Variants in SLC66A3 observed in about 807,000 individuals in gnomAD.
The protein encoded by SLC66A3 is PQ loop repeat containing 3.
In SLC66A3, 23 loss-of-function variants were observed where a neutral mutation model predicts 25.5. The observed-to-expected ratio is 0.90, with a 90% CI of 0.65 to 1.28. The LOEUF is 1.28. Among genes scored for constraint, SLC66A3 ranks in the 50% most tolerant of loss-of-function variants. The probability of loss-of-function intolerance (pLI) is 0.00; values close to 1 mark genes in which losing one functional copy is unlikely to be tolerated. For missense variants in SLC66A3, 246 were observed against 262.1 expected (o/e 0.94, Z 0.42); for synonymous variants, 108 against 112.6 (o/e 0.96, Z 0.26).
At chr2:11,171,768 C>T (rs962490597) in intron 4 of SLC66A3, among the ~76,000 whole-genome samples, 157 bp from the exon 5 acceptor site, 15 of 152,096 alleles carry the variant, frequency 9.9e-5, no homozygotes, top group African/African-American at 3.6e-4. Context: ...CGGTGTTTCA[C>T]CGTGCTAGCC....
intron 3 of SLC66A3, among the ~76,000 whole-genome samples, chr2:11,162,896 G>A (rs1007821100): frequency 5.3e-5 from 8 of 152,180 alleles, no homozygotes; most frequent in African/African-American, 1.9e-4. Flanking sequence ...GTGAGCCACC[G>A]TGCCCGGCCT....
intron 3 of SLC66A3, among the ~76,000 whole-genome samples, chr2:11,163,529 C>G (rs185985646): frequency 6.6e-6 from 1 of 152,182 alleles, no homozygotes; most frequent in Non-Finnish European, 1.5e-5. Context: ...TCTCTTGAGT[C>G]GGTGCTACGT....
chr2:11,177,451 T>A (rs1357188796), intron 6 of SLC66A3, among the ~76,000 whole-genome samples: 1 of 147,582 alleles, frequency 6.8e-6, no homozygotes, highest in African/African-American at 2.5e-5. Flanking sequence ...AGGGCAAGAC[T>A]GTCTCAAAAA....
rs1327016217 is a variant in SLC66A3, at chr2:11,160,500, G to T, written c.178G>T (p.Gly60Trp). ...GTTTCTGCGGTACCAGTGTTACTAT[G>T]GGTATCCGCCGCTGACCTACCTGGA... ...LVFLRYQCYY[G>W]YPPLTYLEYP... Residue 60 changes from glycine to tryptophan, a missense_variant, in exon 2 of 7, where the codon GGG becomes TGG. This residue lies in a region of SLC66A3 where 142 missense variants were observed against 130.3 expected (regional missense o/e 1.09). Coordinates refer to ENST00000295083, the MANE Select transcript of SLC66A3 (RefSeq NM_152391.5). 6.2e-7 allele frequency: 1 copy of T among 1,614,074 alleles called. No homozygotes were observed. The highest frequency in any genetic ancestry group is 8.5e-7 in the Non-Finnish European group (1 of 1,180,008).
intron 1 of SLC66A3, 37 bp downstream of exon 1, chr2:11,155,726 C>G (rs750242371): frequency 1.4e-5 from 18 of 1,330,844 alleles, no homozygotes; most frequent in Non-Finnish European, 1.7e-5. Context: ...CTCCTGCCCC[C>G]TCGCAGCTGC....
chr2:11,157,533 CT>C (rs1162252453), intron 1 of SLC66A3, among the ~76,000 whole-genome samples: 4 of 132,638 alleles, frequency 3.0e-5, no homozygotes, highest in Non-Finnish European at 5.0e-5. Context: ...GCTGGCCATG[CT>C]TGCCAGCTGG....
chr2:11,168,210 G>A (rs1302925426), intron 4 of SLC66A3, among the ~76,000 whole-genome samples: 7 of 151,850 alleles, frequency 4.6e-5, no homozygotes, highest in Admixed American at 6.6e-5. Flanking sequence ...GCGTGAACCC[G>A]GGAGGCAGAG....
At chr2:11,172,129 A>C in intron 5 of SLC66A3, 84 bp downstream of exon 5, 2 of 1,371,944 alleles carry the variant, frequency 1.5e-6, no homozygotes, top group Admixed American at 2.0e-5. Flanking sequence ...TGTTGAAGTA[A>C]CATGGTCCCT....
chr2:11,160,329 C>T (rs1278827496), intron 1 of SLC66A3, 137 bp from the exon 2 acceptor site: 1 of 732,722 alleles, frequency 1.4e-6, no homozygotes, highest in East Asian at 2.5e-5. Context: ...TTGTTCTAAA[C>T]CTTCCTCTTT....
chr2:11,166,760 T>G (rs1662358935), intron 4 of SLC66A3, among the ~76,000 whole-genome samples: 1 of 152,100 alleles, frequency 6.6e-6, no homozygotes, highest in Non-Finnish European at 1.5e-5. Context: ...CCATGCATGG[T>G]GGCGGGCACC....
rs554910408 is a variant in SLC66A3 at position 11,160,753 on chromosome 2, G to C, written c.296+59G>C. 23 of 1,611,440 alleles carry C rather than the reference G, an allele frequency of 1.4e-5. No homozygotes were observed. In the African/African-American group the frequency reaches 2.7e-4, roughly 19 times the overall value. On this transcript the variant is annotated intron_variant, in intron 3 of 6. Coordinates refer to ENST00000295083, the MANE Select transcript of SLC66A3 (RefSeq NM_152391.5). ...CGGGGATGTTATTTGTGAATGGTATGCATTGTGAAGCAGGCTCCTTTACCA... is the reference window on the plus strand; with the variant it reads ...CGGGGATGTTATTTGTGAATGGTATCCATTGTGAAGCAGGCTCCTTTACCA...
chr2:11,172,786 T>A (rs76146157), intron 5 of SLC66A3: 8,445 of 437,750 alleles, frequency 0.019, 123 homozygotes, highest in East Asian at 0.053. Flanking sequence ...AGTGCAGTGA[T>A]ACGATCTTCA....
chr2:11,159,896 T>C (rs1226112229), intron 1 of SLC66A3, among the ~76,000 whole-genome samples: 1 of 152,136 alleles, frequency 6.6e-6, no homozygotes, highest in Admixed American at 6.5e-5. Context: ...TTGAGGGTGG[T>C]TCTTCACGCT....
chr2:11,172,734 CT>C, intron 5 of SLC66A3: 4 of 431,934 alleles, frequency 9.3e-6, no homozygotes, highest in South Asian at 1.7e-5. Context: ...GACTTTCTTT[CT>C]TTTTTCCTTT....
At chr2:11,173,123 A>G (rs1426137412) in intron 5 of SLC66A3, among the ~76,000 whole-genome samples, 4 of 152,102 alleles carry the variant, frequency 2.6e-5, no homozygotes, top group African/African-American at 9.7e-5. Flanking sequence ...TTGGCCTCCC[A>G]AAGTGCTAGG....
At chr2:11,166,432 C>T (rs931283485) in intron 4 of SLC66A3, among the ~76,000 whole-genome samples, 1 of 151,832 alleles carries the variant, frequency 6.6e-6, no homozygotes, top group Non-Finnish European at 1.5e-5. Flanking sequence ...GCCTGCCACA[C>T]GCAGACTCAT....
intron 1 of SLC66A3, among the ~76,000 whole-genome samples, chr2:11,158,409 T>C (rs1218847469): frequency 6.6e-6 from 1 of 151,922 alleles, no homozygotes; most frequent in African/African-American, 2.4e-5. Flanking sequence ...ACACCTGTAA[T>C]CCCAGCACTT....
At chr2:11,177,580 A>ATGAT (rs2148006698) in intron 6 of SLC66A3, among the ~76,000 whole-genome samples, 157 bp from the exon 7 acceptor site, 1 of 152,376 alleles carries the variant, frequency 6.6e-6, no homozygotes, top group Admixed American at 6.5e-5. Context: ...AAAAATTGTC[A>ATGAT]TGATAGGGAG....
At chr2:11,166,264 C>T (rs1662339528) in intron 4 of SLC66A3, among the ~76,000 whole-genome samples, 1 of 152,178 alleles carries the variant, frequency 6.6e-6, no homozygotes, top group South Asian at 2.1e-4. Context: ...TGGAGAGGGG[C>T]TGACTTTTTT....
Sources: allele counts gnomAD v4.1 joint callset (sites outside exome capture counted in the v4.1 genomes callset), GRCh38; gene constraint gnomAD v4.1.1; regional missense constraint gnomAD v4.1.1; transcripts MANE v1.5; gene names NCBI Gene and HGNC (gene_info 2026-07-23, HGNC 2026-07-21).